Variants in CMYA5 observed in about 807,000 individuals in gnomAD.
The protein encoded by CMYA5 is cardiomyopathy associated 5.
CMYA5 carries 246 observed loss-of-function variants against 318.9 expected under a neutral mutation model. The observed-to-expected ratio is 0.77, with a 90% confidence interval of 0.70 to 0.86. CMYA5 has a LOEUF of 0.86. Among genes scored for constraint, CMYA5 ranks in the 40% least tolerant of loss-of-function variants. The pLI is 0.00. For synonymous variants in CMYA5, 1,641 were observed against 1,729.5 expected (o/e 0.95, Z 1.27); for missense variants, 4,589 against 4,678.2 (o/e 0.98, Z 0.56).
rs746822625 is a variant in CMYA5, at chr5:79,731,274, G to A, written c.2509G>A (p.Gly837Ser). The change falls in exon 2 of 13, where the codon GGC becomes AGC. Residue 837 changes from glycine (G) to serine (S), a missense_variant. By Grantham distance (56) the Gly-to-Ser change is moderately conservative. This residue lies in a region of CMYA5 where 2,132 missense variants were observed against 2,131.3 expected (regional missense o/e 1.00). Coordinates refer to ENST00000446378, the MANE Select transcript of CMYA5 (RefSeq NM_153610.5). Reference protein sequence around the residue: ...ISEHTVLSVDGKEVIGPSSPD... With the variant: ...ISEHTVLSVDSKEVIGPSSPD... The stretch of plus-strand genomic sequence containing the variant: ...TGAGCACACAGTTCTGTCAGTAGAC[G>A]GCAAGGAGGTCATTGGACCATCTTC... The A allele has an allele frequency of 3.0e-5, 49 of 1,613,792 alleles. No homozygotes were observed. In the South Asian group the frequency reaches 4.3e-4, roughly 14 times the overall value.
intron 7 of CMYA5, among the ~76,000 whole-genome samples, chr5:79,761,152 G>A (rs1440524806): frequency 1.3e-5 from 2 of 152,130 alleles, no homozygotes; most frequent in African/African-American, 4.8e-5. Context: ...ATTGGATAAT[G>A]TTTACTATTA....
Position 79,737,893 on chromosome 5 carries a change from A to T in CMYA5, c.9128A>T (p.Gln3043Leu), listed in dbSNP as rs553704033. 3.7e-6 allele frequency: 6 copies of T among 1,603,216 alleles called. No homozygotes were observed. Among genetic ancestry groups the T allele is most frequent in the Non-Finnish European group, 5.1e-6 (6 of 1,177,304 alleles). Residue 3043 changes from glutamine to leucine, a missense_variant, in exon 2 of 13, where the codon CAG becomes CTG. By Grantham distance (113) the Gln-to-Leu change is moderately radical (BLOSUM62 -2). Around this residue, in one of 3 missense-constraint regions of CMYA5, gnomAD observed 2,431 missense variants for 2,495.1 expected, o/e 0.97. Transcript: ENST00000446378. ...TDSETDLSFI[Q>L]PTIPSEEDYF... ...TCAGAAACTGATTTATCATTTATTC[A>T]GCCCACAATTCCCAGTGAAGAGGAT...
intron 1 of CMYA5, among the ~76,000 whole-genome samples, chr5:79,720,318 A>G (rs932881434): frequency 2.6e-5 from 4 of 152,212 alleles, no homozygotes; most frequent in Non-Finnish European, 5.9e-5. Flanking sequence ...AATCATCTTC[A>G]AAAAAGTGAC....
chr5:79,704,659 C>T (rs1235038137), intron 1 of CMYA5, among the ~76,000 whole-genome samples: 1 of 151,488 alleles, frequency 6.6e-6, no homozygotes. Flanking sequence ...CTGAGGGTGC[C>T]ATTTGGGGAT....
In CMYA5 at chr5:79,758,917, A is replaced by C. The variant is rs757352001; in HGVS notation, c.11260+15A>C. The C allele has an allele frequency of 3.9e-6, 6 of 1,550,160 alleles. No individual in the cohort carries two copies. Among genetic ancestry groups the C allele is most frequent in the Non-Finnish European group, 8.7e-7 (1 of 1,146,216 alleles). ...AGAAGTAAATGGTAGGATTGCTAAC[A>C]CAAATACAAATGCATATGCATATTC... On this transcript the variant is annotated intron_variant, in intron 7 of 12. Transcript: ENST00000446378.
chr5:79,733,173 GC>G lies in CMYA5; in HGVS notation c.4409del (p.Ala1470ValfsTer5). On this transcript the variant is annotated frameshift_variant, in exon 2 of 13. Transcript: ENST00000446378. LOFTEE classifies it high-confidence loss of function. ...AGAAGTAGAAGCCAAAGAAGTTAAA[GC>G]TGGGTTGCCAGTAATCAAAACATCA... ...LSEVEAKEVK[A>X]GLPVIKTSSS... is the part of the protein sequence containing the mutation. The G allele has an allele frequency of 6.2e-7, 1 of 1,613,810 alleles. No individual in the cohort carries two copies. The highest frequency in any genetic ancestry group is 8.5e-7 in the Non-Finnish European group (1 of 1,179,826).
chr5:79,787,022 T>C (rs1351331823), intron 9 of CMYA5, among the ~76,000 whole-genome samples: 1 of 152,212 alleles, frequency 6.6e-6, no homozygotes, highest in Non-Finnish European at 1.5e-5. Flanking sequence ...AAATGAGCAA[T>C]GAGACAGAGC....
intron 1 of CMYA5, among the ~76,000 whole-genome samples, chr5:79,694,255 A>G (rs1428856847): frequency 6.6e-6 from 1 of 152,214 alleles, no homozygotes; most frequent in Non-Finnish European, 1.5e-5. Context: ...AAACAAGGAA[A>G]GCACAGTGAT....
chr5:79,765,515 A>G (rs1828733489), intron 9 of CMYA5, among the ~76,000 whole-genome samples: 2 of 152,196 alleles, frequency 1.3e-5, no homozygotes, highest in Admixed American at 6.5e-5. Flanking sequence ...GTTTTTTCCA[A>G]TTCTGTGAAG....
intron 12 of CMYA5, among the ~76,000 whole-genome samples, chr5:79,794,463 C>G (rs1829239965): frequency 1.3e-5 from 2 of 152,202 alleles, no homozygotes; most frequent in Admixed American, 1.3e-4. Flanking sequence ...AGAAAGAACA[C>G]TGGACTAGGA....
chr5:79,692,655 A>T (rs1395573319), intron 1 of CMYA5, among the ~76,000 whole-genome samples: 1 of 152,230 alleles, frequency 6.6e-6, no homozygotes, highest in Non-Finnish European at 1.5e-5. Flanking sequence ...TTCCTAATTC[A>T]TAAGGTTGTC....
rs769795853 is a variant in CMYA5, at chr5:79,758,786, C to G, written c.11144C>G (p.Pro3715Arg). 6.2e-7 allele frequency: 1 copy of G among 1,600,762 alleles called. No individual in the cohort carries two copies. Among genetic ancestry groups the G allele is most frequent in the South Asian group, 1.1e-5 (1 of 88,652 alleles). ...PQPPRLEPQE[P>R]NSATSTTIAV... The stretch of plus-strand genomic sequence containing the variant: ...CCTCCTAGATTAGAACCTCAGGAAC[C>G]AAATTCTGCCACCAGCACAACAATT... The change falls in exon 7 of 13, where the codon CCA becomes CGA. Residue 3715 changes from proline to arginine, a missense_variant. Pro to Arg is a moderately radical substitution (Grantham distance 103, BLOSUM62 -2). Transcript: ENST00000446378.
intron 1 of CMYA5, among the ~76,000 whole-genome samples, chr5:79,702,938 T>C (rs1251169270): frequency 6.6e-6 from 1 of 152,186 alleles, no homozygotes; most frequent in Non-Finnish European, 1.5e-5. Flanking sequence ...CACATCTATT[T>C]CTTTCCTCAG....
At chr5:79,758,591 A>T (rs958252337) in intron 6 of CMYA5, among the ~76,000 whole-genome samples, 162 bp from the exon 7 acceptor site, 3 of 152,000 alleles carry the variant, frequency 2.0e-5, no homozygotes, top group Admixed American at 1.3e-4. Flanking sequence ...AAAATAAAAA[A>T]ATATAATTGG....
At chr5:79,697,527 T>A (rs1827090649) in intron 1 of CMYA5, among the ~76,000 whole-genome samples, 1 of 152,238 alleles carries the variant, frequency 6.6e-6, no homozygotes, top group East Asian at 1.9e-4. Flanking sequence ...ATATCTAATC[T>A]CTTCCAAGCA....
At chr5:79,751,069 A>G (rs1299975031) in intron 5 of CMYA5, among the ~76,000 whole-genome samples, 1 of 152,000 alleles carries the variant, frequency 6.6e-6, no homozygotes, top group African/African-American at 2.4e-5. Flanking sequence ...ACTAGACCCT[A>G]TGGGGTTCTC....
chr5:79,751,730 T>A (rs1451941400), intron 5 of CMYA5, among the ~76,000 whole-genome samples: 2 of 152,134 alleles, frequency 1.3e-5, no homozygotes, highest in African/African-American at 4.8e-5. Flanking sequence ...TTCCTGCATA[T>A]AAACGGTATT....
At chr5:79,756,266 C>A (rs1284533824) in intron 6 of CMYA5, among the ~76,000 whole-genome samples, 1 of 152,202 alleles carries the variant, frequency 6.6e-6, no homozygotes, top group Non-Finnish European at 1.5e-5. Flanking sequence ...TCTGCCTTAG[C>A]ATGCAGTTCG....
intron 1 of CMYA5, among the ~76,000 whole-genome samples, chr5:79,707,540 A>G (rs953843654): frequency 2.6e-5 from 4 of 152,264 alleles, no homozygotes; most frequent in African/African-American, 4.8e-5. Context: ...TTATAGGCTT[A>G]TTAATAAATT....
Sources: gnomAD v4.1 joint callset for allele counts (sites outside exome capture counted in the v4.1 genomes callset) on GRCh38, gnomAD v4.1.1 for gene constraint, gnomAD v4.1.1 regional missense constraint, MANE v1.5 for transcripts, NCBI Gene and HGNC (gene_info 2026-07-23, HGNC 2026-07-21) for gene names.